The following COL21A1 variants were observed in gnomAD, a reference collection of about 807,000 sequenced individuals.
COL21A1 encodes the protein collagen type XXI alpha 1 chain.
In COL21A1, 149 loss-of-function variants were observed where a neutral mutation model predicts 137.9. The observed-to-expected ratio is 1.08, with a 90% CI of 0.95 to 1.24. The LOEUF (loss-of-function observed/expected upper bound fraction) is 1.24, where lower values mean the gene tolerates loss of function less well. Ranked by LOEUF, COL21A1 falls within the 50% of genes most tolerant of loss-of-function variation. The pLI, the probability that COL21A1 is intolerant of heterozygous loss-of-function variation, is 0.00. For missense variants in COL21A1, 1,167 were observed against 1,158.4 expected (o/e 1.01, Z -0.11); for synonymous variants, 456 against 391.5 (o/e 1.16, Z -1.95).
intron 29 of COL21A1, 53 bp from the exon 30 acceptor site, chr6:56,057,897 G>T: frequency 8.2e-7 from 1 of 1,215,524 alleles, no homozygotes; most frequent in South Asian, 2.0e-5. Flanking sequence ...TTTTTATAAT[G>T]AAATAGCCAA....
chr6:56,259,250 T>C (rs1054774316), intron 1 of COL21A1, among the ~76,000 whole-genome samples: 14 of 152,230 alleles, frequency 9.2e-5, no homozygotes, highest in Non-Finnish European at 1.5e-5. Flanking sequence ...GCCTGGAGTT[T>C]ACTGCATTCC....
At chr6:56,292,328 G>A (rs1764064779) in intron 1 of COL21A1, among the ~76,000 whole-genome samples, 2 of 151,310 alleles carry the variant, frequency 1.3e-5, no homozygotes, top group African/African-American at 2.4e-5. Context: ...TTAATTGCCC[G>A]AGTAAATTCA....
At chr6:56,353,496 C>A (rs1307220264) in intron 1 of COL21A1, among the ~76,000 whole-genome samples, 1 of 152,136 alleles carries the variant, frequency 6.6e-6, no homozygotes, top group Non-Finnish European at 1.5e-5. Flanking sequence ...GACATTCCTA[C>A]AGCAACCACA....
At chr6:56,272,684 A>G (rs1426621246) in intron 1 of COL21A1, among the ~76,000 whole-genome samples, 1 of 152,054 alleles carries the variant, frequency 6.6e-6, no homozygotes. Context: ...TGATTGGATC[A>G]TGGGGGTGGT....
intron 12 of COL21A1, among the ~76,000 whole-genome samples, chr6:56,132,830 A>T (rs1026376562): frequency 1.3e-5 from 2 of 152,094 alleles, no homozygotes; most frequent in Non-Finnish European, 2.9e-5. Context: ...ATGGTTTTAA[A>T]AATGCGAGTT....
At chr6:56,326,669 T>A (rs1160971304) in intron 1 of COL21A1, among the ~76,000 whole-genome samples, 4 of 152,052 alleles carry the variant, frequency 2.6e-5, no homozygotes. Context: ...TTGAAACAAC[T>A]TTTGGAATTC....
chr6:56,064,920 G>T (rs1451371364), intron 23 of COL21A1, among the ~76,000 whole-genome samples: 1 of 151,972 alleles, frequency 6.6e-6, no homozygotes, highest in East Asian at 1.9e-4. Flanking sequence ...TTAATAGTGG[G>T]AAAATAGTTT....
intron 20 of COL21A1, among the ~76,000 whole-genome samples, chr6:56,071,658 T>G (rs1401511206): frequency 1.3e-5 from 2 of 151,616 alleles, no homozygotes; most frequent in African/African-American, 2.4e-5. Flanking sequence ...TAGATTTAAT[T>G]AAAGCATTTA....
intron 1 of COL21A1, among the ~76,000 whole-genome samples, chr6:56,266,096 C>T (rs886358201): frequency 6.6e-6 from 1 of 152,148 alleles, no homozygotes; most frequent in African/African-American, 2.4e-5. Context: ...ACAAAACATG[C>T]TAACACAATT....
At chr6:56,207,059 T>C (rs1330099362) in intron 1 of COL21A1, among the ~76,000 whole-genome samples, 3 of 152,118 alleles carry the variant, frequency 2.0e-5, no homozygotes, top group Non-Finnish European at 2.9e-5. Context: ...GGGAAATTTA[T>C]AGCACTAAAT....
chr6:56,135,971 C>T (rs531757622), intron 12 of COL21A1, among the ~76,000 whole-genome samples: 9 of 152,218 alleles, frequency 5.9e-5, no homozygotes, highest in Middle Eastern at 3.4e-3. Context: ...ATTTTTTTCT[C>T]GGTACAACTA....
chr6:56,226,753 T>C (rs1469519446), intron 1 of COL21A1, among the ~76,000 whole-genome samples: 1 of 152,062 alleles, frequency 6.6e-6, no homozygotes, highest in Non-Finnish European at 1.5e-5. Flanking sequence ...AATCCAATGT[T>C]CCTCACTTCC....
chr6:56,278,064 A>C (rs1195716516), intron 1 of COL21A1, among the ~76,000 whole-genome samples: 1 of 152,202 alleles, frequency 6.6e-6, no homozygotes, highest in East Asian at 1.9e-4. Flanking sequence ...CTTTATTTCA[A>C]AACAACTTTG....
chr6:56,260,788 G>C (rs1472926365), intron 1 of COL21A1, among the ~76,000 whole-genome samples: 1 of 149,628 alleles, frequency 6.7e-6, no homozygotes, highest in Non-Finnish European at 1.5e-5. Context: ...AGAAAGTAAA[G>C]TGGAAGACAA....
intron 1 of COL21A1, among the ~76,000 whole-genome samples, chr6:56,354,932 C>A (rs1427220878): frequency 6.6e-6 from 1 of 152,098 alleles, no homozygotes; most frequent in Non-Finnish European, 1.5e-5. Context: ...AAAAGTAATC[C>A]TCATTGGTCA....
intron 1 of COL21A1, among the ~76,000 whole-genome samples, chr6:56,302,305 C>T (rs1175033449): frequency 6.6e-6 from 1 of 152,180 alleles, no homozygotes; most frequent in African/African-American, 2.4e-5. Flanking sequence ...AATCACCACA[C>T]TGACTTCCAC....
At chr6:56,278,867 T>C (rs1267739319) in intron 1 of COL21A1, among the ~76,000 whole-genome samples, 1 of 152,226 alleles carries the variant, frequency 6.6e-6, no homozygotes, top group Non-Finnish European at 1.5e-5. Context: ...AATGAAATAC[T>C]CTAATTTCCT....
At chr6:56,219,832 G>A (rs1780721139) in intron 1 of COL21A1, among the ~76,000 whole-genome samples, 1 of 151,952 alleles carries the variant, frequency 6.6e-6, no homozygotes, top group African/African-American at 2.4e-5. Flanking sequence ...CATTTTTCAA[G>A]CAAATATGTA....
rs574650778 is a variant in COL21A1, at chr6:56,195,177, T to C, written c.-38-12521A>G. 3.3e-5 allele frequency among the ~76,000 whole-genome samples: 5 copies of C among 152,172 alleles called. No homozygotes were observed. In the East Asian group the frequency reaches 9.6e-4, roughly 29 times the overall value. On this transcript the variant is annotated intron_variant, in intron 1 of 29. Transcript: ENST00000244728. ...CAGCCTCCATAAGAAATAATTTTTT[T>C]CTTTATAAATTATGCAGTTTTGAGT... is the stretch of plus-strand genomic sequence containing the variant.
Sources: allele counts gnomAD v4.1 joint callset (sites outside exome capture counted in the v4.1 genomes callset), GRCh38; gene constraint gnomAD v4.1.1; transcripts MANE v1.5; gene names NCBI Gene and HGNC (gene_info 2026-07-23, HGNC 2026-07-21).